The following TRPM3 variants were observed in gnomAD, a reference collection of about 807,000 sequenced individuals.
TRPM3 encodes transient receptor potential cation channel subfamily M member 3, also known as long transient receptor potential channel 3.
Under a neutral mutation model 181.2 loss-of-function variants are expected in TRPM3, and 77 were observed. The ratio of observed to expected loss-of-function variants is 0.42; its 90% CI spans 0.35 to 0.51. The LOEUF (loss-of-function observed/expected upper bound fraction) is 0.51, where lower values mean the gene tolerates loss of function less well. Ranked by LOEUF, TRPM3 falls within the 20% of genes least tolerant of loss-of-function variation. TRPM3 has a pLI of 0.01. For missense variants in TRPM3, 1,759 were observed against 2,196.7 expected, an observed-to-expected ratio of 0.80 and a Z score of 3.98; for synonymous variants, 745 against 796.4, an observed-to-expected ratio of 0.94 and a Z score of 1.09.
intron 9 of TRPM3, among the ~76,000 whole-genome samples, chr9:70,650,501 T>A (rs1179602038): frequency 6.6e-6 from 1 of 152,214 alleles, no homozygotes; most frequent in African/African-American, 2.4e-5. Flanking sequence ...GCTCCTTCAA[T>A]ATCTAGATCA....
chr9:71,198,974 G>A (rs2078589459), intron 1 of TRPM3, among the ~76,000 whole-genome samples: 1 of 127,602 alleles, frequency 7.8e-6, no homozygotes, highest in Non-Finnish European at 1.7e-5. Context: ...AATGCTTCCA[G>A]TTTTTGCCCA....
At position 70,898,497 on chromosome 9, in the gene TRPM3, C is replaced by A. The variant is rs373785671; in HGVS notation, c.178-33986G>T. 3.8e-3 allele frequency among the ~76,000 whole-genome samples: 569 copies of A among 149,768 alleles called. 4 individuals are homozygous for A. The highest frequency in any genetic ancestry group is 0.013 in the African/African-American group (538 of 41,130). ...GGGCACGGTGGCTCATGCCTGTAAT[C>A]CCAGCACTTTGGGAGGCCAAGGCGG... On this transcript the variant is annotated intron_variant, in intron 1 of 25. Transcript: ENST00000677713.
Position 70,625,043 on chromosome 9 carries a change from G to T in TRPM3, c.1809+148C>A. The T allele has an allele frequency of 1.1e-6, 1 of 934,776 alleles. No homozygotes were observed. The highest frequency in any genetic ancestry group is 1.5e-6 in the Non-Finnish European group (1 of 664,914). 57.9% of individuals were successfully genotyped at this position (934,776 alleles called of 1,614,324 possible). On this transcript the variant is annotated intron_variant, in intron 14 of 25. Transcript: ENST00000677713. The surrounding 1 kb of genome is among the most constrained non-coding windows in gnomAD (Gnocchi z 4.8). The stretch of plus-strand genomic sequence containing the variant: ...ATAATCTCAATGATAAGATTAATTT[G>T]AATTTCATTACTTTTCTTTGATTGT...
chr9:70,687,850 C>T (rs1263853992), intron 8 of TRPM3, among the ~76,000 whole-genome samples: 1 of 152,216 alleles, frequency 6.6e-6, no homozygotes, highest in Non-Finnish European at 1.5e-5. Context: ...TTGAGTATCT[C>T]TTCTGTGCCA....
chr9:70,610,009 G>A (rs1471826616), intron 19 of TRPM3, among the ~76,000 whole-genome samples: 1 of 152,118 alleles, frequency 6.6e-6, no homozygotes, highest in African/African-American at 2.4e-5. Flanking sequence ...CCACTCTTTT[G>A]TAGGCAGAAA....
intron 1 of TRPM3, among the ~76,000 whole-genome samples, chr9:71,291,501 C>A (rs939988508): frequency 1.3e-5 from 2 of 152,016 alleles, no homozygotes; most frequent in Non-Finnish European, 2.9e-5. Flanking sequence ...AAAGTATATT[C>A]TTTGACAATA....
At chr9:70,681,427 T>A (rs2065406936) in intron 9 of TRPM3, 79 bp downstream of exon 9, 2 of 1,185,532 alleles carry the variant, frequency 1.7e-6, no homozygotes, top group South Asian at 2.5e-5. Flanking sequence ...TGGGATTATA[T>A]CTATTATTAG....
At chr9:70,988,013 T>C (rs1430624712) in intron 1 of TRPM3, among the ~76,000 whole-genome samples, 1 of 152,132 alleles carries the variant, frequency 6.6e-6, no homozygotes, top group Non-Finnish European at 1.5e-5. Context: ...AGATAAAAGA[T>C]GGTCTTATAT....
chr9:70,897,541 T>C (rs1412016769), intron 1 of TRPM3, among the ~76,000 whole-genome samples: 3 of 152,108 alleles, frequency 2.0e-5, no homozygotes, highest in African/African-American at 4.8e-5. Context: ...GGAGGTTCTT[T>C]TATTACATCA....
At chr9:71,036,638 C>A (rs2058238441) in intron 1 of TRPM3, among the ~76,000 whole-genome samples, 2 of 152,306 alleles carry the variant, frequency 1.3e-5, no homozygotes, top group South Asian at 4.1e-4. Context: ...ATGAGGAGAA[C>A]TCTTTGAAAC....
At chr9:70,849,580 T>C (rs1410958649) in intron 3 of TRPM3, among the ~76,000 whole-genome samples, 2 of 152,144 alleles carry the variant, frequency 1.3e-5, no homozygotes, top group Non-Finnish European at 2.9e-5. Context: ...GGGTATATAA[T>C]ATAAAATAAC....
chr9:71,210,024 C>T (rs547329307), intron 1 of TRPM3, among the ~76,000 whole-genome samples: 2 of 152,192 alleles, frequency 1.3e-5, no homozygotes, highest in Non-Finnish European at 2.9e-5. Flanking sequence ...GGTCCCTAAC[C>T]CCGTTAGGAA....
chr9:70,973,416 C>T (rs1424195185), intron 1 of TRPM3, among the ~76,000 whole-genome samples: 1 of 152,146 alleles, frequency 6.6e-6, no homozygotes, highest in African/African-American at 2.4e-5. Flanking sequence ...TATGAGATTT[C>T]AAATCTTATC....
chr9:70,835,618 C>G (rs999693275), intron 5 of TRPM3, among the ~76,000 whole-genome samples: 1 of 152,072 alleles, frequency 6.6e-6, no homozygotes, highest in African/African-American at 2.4e-5. Context: ...TGATCCAATT[C>G]CTGCTCCTAC....
rs1402113481 is a variant in TRPM3, at chr9:70,590,834, A to G, written c.3223+197T>C. ...GTGTCACAGAACATGACATACCTAA[A>G]GAAATACCCAAGAACTACTTTGCTA... On this transcript the variant is annotated intron_variant, in intron 22 of 25. Transcript: ENST00000677713. 2.6e-5 allele frequency among the ~76,000 whole-genome samples: 4 copies of G among 152,230 alleles called. No homozygotes were observed. The East Asian group carries it at 7.7e-4, about 29-fold the overall frequency.
chr9:70,634,348 G>C (rs1288254446), intron 12 of TRPM3, among the ~76,000 whole-genome samples: 1 of 152,092 alleles, frequency 6.6e-6, no homozygotes, highest in Non-Finnish European at 1.5e-5. Flanking sequence ...CTCGACCTTA[G>C]GTGATCCACC....
At chr9:70,847,326 TGTAA>T (rs1377703497) in intron 3 of TRPM3, among the ~76,000 whole-genome samples, 2 of 152,196 alleles carry the variant, frequency 1.3e-5, no homozygotes, top group Non-Finnish European at 2.9e-5. Context: ...TAGGTCTCAA[TGTAA>T]GTATGTTAAA....
At chr9:71,358,367 C>A (rs2132711097) in intron 1 of TRPM3, among the ~76,000 whole-genome samples, 1 of 152,226 alleles carries the variant, frequency 6.6e-6, no homozygotes, top group African/African-American at 2.4e-5. Context: ...ATTGGAAAAT[C>A]ACAGACTTAC....
intron 1 of TRPM3, among the ~76,000 whole-genome samples, chr9:71,067,681 A>G (rs1478151481): frequency 1.3e-5 from 2 of 152,354 alleles, no homozygotes; most frequent in Non-Finnish European, 2.9e-5. Context: ...AGTGGTTAGC[A>G]TAAATTAAAT....
Sources: allele counts gnomAD v4.1 joint callset (sites outside exome capture counted in the v4.1 genomes callset), GRCh38; gene constraint gnomAD v4.1.1; non-coding constraint Gnocchi (gnomAD v3.1); transcripts MANE v1.5; gene names NCBI Gene and HGNC (gene_info 2026-07-23, HGNC 2026-07-21).